KIAA1217: variants seen among roughly 807,000 people sequenced by gnomAD.
KIAA1217 encodes KIAA1217.
In KIAA1217, 88 loss-of-function variants were observed where a neutral mutation model predicts 163.9. That is an observed-to-expected ratio of 0.54 (90% CI 0.45 to 0.64). KIAA1217 has a LOEUF of 0.64. Among genes scored for constraint, KIAA1217 ranks in the 30% least tolerant of loss-of-function variants. The probability of loss-of-function intolerance (pLI) is 0.00; values close to 1 mark genes in which losing one functional copy is unlikely to be tolerated. For missense variants in KIAA1217, 2,372 were observed against 2,475.0 expected (o/e 0.96, Z 0.88); for synonymous variants, 903 against 923.1 (o/e 0.98, Z 0.39).
chr10:24,475,193 T>TG (rs941674636), intron 6 of KIAA1217, among the ~76,000 whole-genome samples: 1 of 152,110 alleles, frequency 6.6e-6, no homozygotes, highest in African/African-American at 2.4e-5. Flanking sequence ...CACTCCAGCC[T>TG]GGGGGACAAG....
intron 1 of KIAA1217, among the ~76,000 whole-genome samples, chr10:23,804,339 A>G (rs577079818): frequency 6.6e-6 from 1 of 152,260 alleles, no homozygotes; most frequent in South Asian, 2.1e-4. Context: ...GCCCTTTGTC[A>G]CTTAGCTTGC....
intron 1 of KIAA1217, among the ~76,000 whole-genome samples, chr10:24,209,814 T>A (rs2067837820): frequency 6.6e-6 from 1 of 152,216 alleles, no homozygotes. Flanking sequence ...TGGATCTTCT[T>A]TTATGTTTTA....
chr10:24,381,758 T>C (rs1258192805), intron 3 of KIAA1217, among the ~76,000 whole-genome samples: 1 of 152,154 alleles, frequency 6.6e-6, no homozygotes, highest in Non-Finnish European at 1.5e-5. Context: ...TCCTCTCCAG[T>C]CCCAGAGGCC....
chr10:24,468,925 G>T (rs1039495714), intron 5 of KIAA1217, among the ~76,000 whole-genome samples: 4 of 151,990 alleles, frequency 2.6e-5, no homozygotes, highest in Non-Finnish European at 5.9e-5. Flanking sequence ...TCATTTTAAA[G>T]GTTATTTATA....
At position 23,960,072 on chromosome 10, in the gene KIAA1217, C is replaced by T. The variant is rs559390637; in HGVS notation, c.-320-47153C>T. On this transcript the variant is annotated intron_variant, in intron 1 of 18. Transcript: ENST00000376462. ...CTGCAACTACAGGCGCCTGCCACCA[C>T]GCCCGGCTAATTTTTTGTATTTTTA... is the stretch of plus-strand genomic sequence containing the variant. 4.1e-4 allele frequency among the ~76,000 whole-genome samples: 63 copies of T among 151,916 alleles called. 1 individual carries two copies. In the South Asian group the frequency reaches 9.0e-3, roughly 22 times the overall value.
At chr10:23,831,304 A>G (rs1838184543) in intron 1 of KIAA1217, among the ~76,000 whole-genome samples, 1 of 151,946 alleles carries the variant, frequency 6.6e-6, no homozygotes, top group African/African-American at 2.4e-5. Context: ...AAAAAAATGG[A>G]AAACCAAAAA....
chr10:24,342,652 A>T (rs2047233771), intron 2 of KIAA1217, among the ~76,000 whole-genome samples: 1 of 93,508 alleles, frequency 1.1e-5, no homozygotes, highest in Non-Finnish European at 2.0e-5. Flanking sequence ...ATACAACTCA[A>T]TTTTTTTTTT....
chr10:23,980,442 CAT>C (rs1379434622), intron 1 of KIAA1217, among the ~76,000 whole-genome samples: 1 of 152,186 alleles, frequency 6.6e-6, no homozygotes, highest in Non-Finnish European at 1.5e-5. Context: ...CAGCCTTCTA[CAT>C]GTAGGGTTTC....
chr10:23,937,505 A>T (rs959283166), intron 1 of KIAA1217, among the ~76,000 whole-genome samples: 2 of 152,092 alleles, frequency 1.3e-5, no homozygotes, highest in Non-Finnish European at 2.9e-5. Context: ...TACTGTCCCA[A>T]TTCTGTTCAC....
At chr10:23,750,944 T>TTCCCTTCCCTTCCCCTCCCC (rs1839700092) in intron 1 of KIAA1217, among the ~76,000 whole-genome samples, 2 of 152,028 alleles carry the variant, frequency 1.3e-5, no homozygotes, top group South Asian at 2.1e-4. Flanking sequence ...TTCCTTTCCC[T>TTCCCTTCCCTTCCCCTCCCC]TCCCTTCCCT....
At position 24,473,743 on chromosome 10, in the gene KIAA1217, A is replaced by G. The variant is rs369181477; in HGVS notation, c.1362A>G (p.Lys454=). The change falls in exon 6 of 21, where the codon AAA becomes AAG. Residue 454 remains lysine (K), a synonymous_variant. Transcript: ENST00000376454. ...TGGAACAATCACTGTACAGACAGAAATCAAGGAAATATCCGGATAGCCATT... is the reference window on the plus strand; with the variant it reads ...TGGAACAATCACTGTACAGACAGAAGTCAAGGAAATATCCGGATAGCCATT... ...MHMEQSLYRQ[K]SRKYPDSHLP... is the part of the protein sequence containing the mutation. The G allele has an allele frequency of 1.2e-6, 2 of 1,614,100 alleles. No homozygotes were observed. Among genetic ancestry groups the G allele is most frequent in the Non-Finnish European group, 1.7e-6 (2 of 1,180,020 alleles).
chr10:23,919,354 C>G (rs958147938), intron 1 of KIAA1217, among the ~76,000 whole-genome samples: 1 of 151,936 alleles, frequency 6.6e-6, no homozygotes, highest in Non-Finnish European at 1.5e-5. Flanking sequence ...CCCTGTAATC[C>G]CAGCACTTTG....
chr10:24,202,109 C>T (rs1218670067), intron 2 of KIAA1217, among the ~76,000 whole-genome samples: 3 of 152,202 alleles, frequency 2.0e-5, no homozygotes, highest in African/African-American at 7.2e-5. Context: ...AATGTATTTG[C>T]ACTGCGCCTT....
intron 2 of KIAA1217, among the ~76,000 whole-genome samples, chr10:24,373,992 C>T (rs2052080664): frequency 6.6e-6 from 1 of 152,172 alleles, no homozygotes; most frequent in South Asian, 2.1e-4. Flanking sequence ...CGTCTGATTT[C>T]CATCCAGAAC....
rs549021805 is a variant in KIAA1217 at position 24,250,981 on chromosome 10, C to G, written c.354+31072C>G. Among the ~76,000 whole-genome samples the G allele has an allele frequency of 2.6e-5, 4 of 151,790 alleles. No individual in the cohort carries two copies. In the South Asian group the frequency reaches 8.3e-4, roughly 32 times the overall value. Reference sequence around the variant, plus strand: ...ATGGCTCACACCTGTAATCACAGCACTTTGGGAGGCTGAGGTGGGTGGATC... The same window carrying G: ...ATGGCTCACACCTGTAATCACAGCAGTTTGGGAGGCTGAGGTGGGTGGATC... On this transcript the variant is annotated intron_variant, in intron 2 of 20. Coordinates refer to ENST00000376454, the MANE Select transcript of KIAA1217 (RefSeq NM_019590.5).
intron 2 of KIAA1217, 119 bp downstream of exon 2, chr10:24,220,028 AGTT>A: frequency 9.3e-7 from 1 of 1,079,792 alleles, no homozygotes; most frequent in Non-Finnish European, 1.3e-6. Context: ...CATACTATTT[AGTT>A]GTTCTGGATT....
At chr10:23,966,147 T>G (rs1485694276) in intron 1 of KIAA1217, among the ~76,000 whole-genome samples, 2 of 152,146 alleles carry the variant, frequency 1.3e-5, no homozygotes, top group Admixed American at 1.3e-4. Context: ...TTTAATGATC[T>G]GTTGTCTCCA....
At chr10:24,042,894 G>C (rs755575429) in intron 2 of KIAA1217, among the ~76,000 whole-genome samples, 4 of 152,170 alleles carry the variant, frequency 2.6e-5, no homozygotes, top group Non-Finnish European at 5.9e-5. Flanking sequence ...ACCAGCAATG[G>C]AAGTGTTGCA....
intron 8 of KIAA1217, among the ~76,000 whole-genome samples, chr10:24,498,146 C>T (rs1175713389): frequency 6.6e-6 from 1 of 151,876 alleles, no homozygotes; most frequent in Non-Finnish European, 1.5e-5. Flanking sequence ...GTGCGGGAGA[C>T]CTTGGTGGGT....
Sources: gnomAD v4.1 joint callset for allele counts (sites outside exome capture counted in the v4.1 genomes callset) on GRCh38, gnomAD v4.1.1 for gene constraint, MANE v1.5 for transcripts, NCBI Gene and HGNC (gene_info 2026-07-23, HGNC 2026-07-21) for gene names.